Variants in PARD3 observed in about 807,000 individuals in gnomAD.
PARD3 encodes the protein partitioning defective 3 homolog.
PARD3 carries 75 observed loss-of-function variants against 155.4 expected under a neutral mutation model. The observed-to-expected ratio is 0.48, with a 90% CI of 0.40 to 0.58. The LOEUF (loss-of-function observed/expected upper bound fraction) is 0.58, where lower values mean the gene tolerates loss of function less well. Among genes scored for constraint, PARD3 ranks in the 20% least tolerant of loss-of-function variants. The probability of loss-of-function intolerance (pLI) is 0.00; values close to 1 mark genes in which losing one functional copy is unlikely to be tolerated. For missense variants in PARD3, 1,642 were observed against 1,721.7 expected, an observed-to-expected ratio of 0.95 and a Z score of 0.82; for synonymous variants, 576 against 610.5, an observed-to-expected ratio of 0.94 and a Z score of 0.83.
At chr10:34,312,139 A>C in intron 20 of PARD3, 1 of 779,182 alleles carries the variant, frequency 1.3e-6, no homozygotes, top group Non-Finnish European at 2.0e-6. Context: ...CTGCCTTTTC[A>C]AGCGTAATTT....
At chr10:34,681,884 G>A (rs2093849581) in intron 2 of PARD3, among the ~76,000 whole-genome samples, 1 of 144,796 alleles carries the variant, frequency 6.9e-6, no homozygotes, top group African/African-American at 2.6e-5. Flanking sequence ...GCCTCCCAAA[G>A]TGCTGAGATT....
chr10:34,575,506 C>T (rs547216554), intron 2 of PARD3, among the ~76,000 whole-genome samples: 15 of 152,272 alleles, frequency 9.9e-5, no homozygotes, highest in African/African-American at 3.4e-4. Flanking sequence ...ATAGGGTTAG[C>T]TTCTGTGTAA....
chr10:34,612,472 C>T (rs1020483563), intron 2 of PARD3, among the ~76,000 whole-genome samples: 2 of 152,086 alleles, frequency 1.3e-5, no homozygotes, highest in African/African-American at 2.4e-5. Context: ...AGCTCTTTAC[C>T]TACTTTTTCC....
intron 5 of PARD3, among the ~76,000 whole-genome samples, chr10:34,427,595 C>T (rs375961801): frequency 2.6e-4 from 40 of 152,184 alleles, no homozygotes; most frequent in African/African-American, 7.7e-4. Flanking sequence ...TCCTGCCTTG[C>T]GATCTTTTGT....
intron 22 of PARD3, among the ~76,000 whole-genome samples, chr10:34,234,574 C>A (rs1244789303): frequency 1.3e-5 from 2 of 152,172 alleles, no homozygotes; most frequent in African/African-American, 4.8e-5. Flanking sequence ...TGAATGACTT[C>A]TTTGCATCCT....
At chr10:34,297,581 G>A (rs1956965231) in intron 20 of PARD3, among the ~76,000 whole-genome samples, 1 of 152,148 alleles carries the variant, frequency 6.6e-6, no homozygotes, top group African/African-American at 2.4e-5. Flanking sequence ...ACCTCAGTTT[G>A]GAAGCCCACG....
At chr10:34,140,045 A>T (rs948549305) in intron 22 of PARD3, among the ~76,000 whole-genome samples, 2 of 152,190 alleles carry the variant, frequency 1.3e-5, no homozygotes, top group African/African-American at 2.4e-5. Flanking sequence ...GAGCAAACAC[A>T]GGTTTCTCAT....
At chr10:34,792,171 G>A (rs531763189) in intron 1 of PARD3, among the ~76,000 whole-genome samples, 34 of 152,222 alleles carry the variant, frequency 2.2e-4, no homozygotes, top group Admixed American at 9.8e-4. Flanking sequence ...GTGCGCCCAC[G>A]TGCTCTTTGC....
intron 1 of PARD3, among the ~76,000 whole-genome samples, chr10:34,749,512 A>T (rs997656561): frequency 6.6e-6 from 1 of 151,748 alleles, no homozygotes; most frequent in Non-Finnish European, 1.5e-5. Flanking sequence ...TAACCAGTTT[A>T]AAAAACATAA....
chr10:34,546,057 TTATAA>T (rs2084020397), intron 2 of PARD3, among the ~76,000 whole-genome samples: 1 of 152,324 alleles, frequency 6.6e-6, no homozygotes, highest in African/African-American at 2.4e-5. Context: ...AAAAGTATAC[TTATAA>T]TAAAATGAAA....
intron 24 of PARD3, among the ~76,000 whole-genome samples, chr10:34,114,841 C>T (rs1946578199): frequency 6.6e-6 from 1 of 152,204 alleles, no homozygotes. Flanking sequence ...CCATGGGTAA[C>T]AACAGCAACA....
chr10:34,132,237 C>T (rs1266107463), intron 22 of PARD3, among the ~76,000 whole-genome samples: 2 of 152,110 alleles, frequency 1.3e-5, no homozygotes, highest in African/African-American at 4.8e-5. Context: ...ACAATACGGC[C>T]TTCTTTTTGT....
chr10:34,789,838 T>C (rs1024621702), intron 1 of PARD3, among the ~76,000 whole-genome samples: 1 of 152,224 alleles, frequency 6.6e-6, no homozygotes, highest in African/African-American at 2.4e-5. Flanking sequence ...ACTATCTTCT[T>C]TAAAATCATC....
intron 22 of PARD3, among the ~76,000 whole-genome samples, chr10:34,209,250 T>C (rs1008450340): frequency 6.6e-5 from 10 of 152,194 alleles, no homozygotes; most frequent in Admixed American, 1.3e-4. Context: ...AAACTTCATT[T>C]CACAGGAAAT....
chr10:34,598,526 T>G (rs182639800), intron 2 of PARD3, among the ~76,000 whole-genome samples: 2 of 152,032 alleles, frequency 1.3e-5, no homozygotes, highest in Non-Finnish European at 2.9e-5. Context: ...AATATGAGAA[T>G]GAAAAAAAAT....
intron 7 of PARD3, among the ~76,000 whole-genome samples, chr10:34,397,358 T>C (rs1396045280): frequency 6.6e-6 from 1 of 152,202 alleles, no homozygotes; most frequent in East Asian, 1.9e-4. Flanking sequence ...TGCTTCCATA[T>C]GAAAATTGGT....
chr10:34,577,034 T>C (rs1422566725), intron 2 of PARD3, among the ~76,000 whole-genome samples: 2 of 152,152 alleles, frequency 1.3e-5, no homozygotes, highest in Non-Finnish European at 2.9e-5. Flanking sequence ...TGCTCCATCA[T>C]CTTCTCTGAC....
At chr10:34,121,469 A>T (rs951622949) in intron 23 of PARD3, among the ~76,000 whole-genome samples, 1 of 152,224 alleles carries the variant, frequency 6.6e-6, no homozygotes, top group African/African-American at 2.4e-5. Flanking sequence ...TTTCTTTTAG[A>T]GTTGAAAGCT....
At chr10:34,329,918 A>G (rs1208388161) in intron 19 of PARD3, among the ~76,000 whole-genome samples, 1 of 152,168 alleles carries the variant, frequency 6.6e-6, no homozygotes, top group Non-Finnish European at 1.5e-5. Context: ...ATATATACAT[A>G]TACATTATAT....
Sources: gnomAD v4.1 joint callset for allele counts (sites outside exome capture counted in the v4.1 genomes callset) on GRCh38, gnomAD v4.1.1 for gene constraint, MANE v1.5 for transcripts, NCBI Gene and HGNC (gene_info 2026-07-23, HGNC 2026-07-21) for gene names.